Variants in CHD9 observed in about 807,000 individuals in gnomAD.
The protein encoded by CHD9 is ATP-dependent chromatin remodeler CHD9.
CHD9 carries 77 observed loss-of-function variants against 316.1 expected under a neutral mutation model. The observed-to-expected ratio is 0.24, with a 90% CI of 0.20 to 0.29. CHD9 has a LOEUF of 0.29. Among genes scored for constraint, CHD9 ranks in the 10% least tolerant of loss-of-function variants. The pLI is 1.00. For synonymous variants in CHD9, 1,129 were observed against 1,158.3 expected (o/e 0.97, Z 0.51); for missense variants, 2,763 against 3,438.1 (o/e 0.80, Z 4.91).
chr16:53,097,381 TTCCTTCC>T (rs56359033), intron 1 of CHD9, among the ~76,000 whole-genome samples: 64,670 of 150,300 alleles, frequency 0.43, 14,915 homozygotes, highest in African/African-American at 0.58. Context: ...CCTTCCTTCC[TTCCTTCC>T]TTCCTTCCTT....
chr16:53,109,691 T>TTTTTTTTTTTTC (rs2037691699), intron 1 of CHD9, among the ~76,000 whole-genome samples: 1 of 125,478 alleles, frequency 8.0e-6, no homozygotes, highest in African/African-American at 3.1e-5. Context: ...TTTTTTTTTT[T>TTTTTTTTTTTTC]TTTTTTTTTT....
At chr16:53,225,294 T>C (rs1401133150) in intron 4 of CHD9, among the ~76,000 whole-genome samples, 2 of 151,926 alleles carry the variant, frequency 1.3e-5, no homozygotes, top group East Asian at 1.9e-4. Flanking sequence ...TAGAAGAAAT[T>C]GGACTAGAAA....
chr16:53,201,802 T>C (rs1485956263), intron 2 of CHD9, among the ~76,000 whole-genome samples: 1 of 151,954 alleles, frequency 6.6e-6, no homozygotes, highest in Non-Finnish European at 1.5e-5. Flanking sequence ...AATACATTGA[T>C]TTATACATCT....
chr16:53,156,068 G>A lies in CHD9; in HGVS notation c.-22G>A, dbSNP rs769063914. 7.2e-5 allele frequency: 115 copies of A among 1,599,554 alleles called. No individual in the cohort carries two copies. Among genetic ancestry groups the A allele is most frequent in the Admixed American group, 6.8e-4 (40 of 58,962 alleles). Reference sequence around the variant, plus strand: ...ATACTCCATTTGGAGTGAACAGCCCGGATTGTTACAGAATTTTCAAGATGA... The same window carrying A: ...ATACTCCATTTGGAGTGAACAGCCCAGATTGTTACAGAATTTTCAAGATGA... On this transcript the variant is annotated 5_prime_UTR_variant, in exon 2 of 39. Transcript: ENST00000447540.
intron 2 of CHD9, among the ~76,000 whole-genome samples, chr16:53,196,458 C>A (rs1322713127): frequency 6.6e-6 from 1 of 152,084 alleles, no homozygotes; most frequent in African/African-American, 2.4e-5. Flanking sequence ...ACAGGTTCAG[C>A]CCACAATCAA....
chr16:53,078,834 G>C (rs1196425494), intron 1 of CHD9, among the ~76,000 whole-genome samples: 1 of 152,112 alleles, frequency 6.6e-6, no homozygotes, highest in Non-Finnish European at 1.5e-5. Flanking sequence ...ATTAATGCAA[G>C]ATAACATTGT....
intron 1 of CHD9, among the ~76,000 whole-genome samples, chr16:53,129,636 C>A (rs2039127989): frequency 6.6e-6 from 1 of 152,252 alleles, no homozygotes; most frequent in South Asian, 2.1e-4. Flanking sequence ...GGCTGAAATT[C>A]AAGAGATTTC....
chr16:53,298,663 TAAAC>T (rs908079739), intron 30 of CHD9: 6 of 152,144 alleles, frequency 3.9e-5, no homozygotes, highest in African/African-American at 1.5e-4. Context: ...CTAAAATAAA[TAAAC>T]AGAAAGCTAC....
intron 1 of CHD9, among the ~76,000 whole-genome samples, chr16:53,090,662 G>T (rs889387395): frequency 2.6e-5 from 4 of 152,132 alleles, no homozygotes; most frequent in Non-Finnish European, 5.9e-5. Context: ...GGGCCCCAGA[G>T]TCCTGCCGGG....
intron 2 of CHD9, among the ~76,000 whole-genome samples, chr16:53,182,847 C>A (rs2043645280): frequency 6.6e-6 from 1 of 152,074 alleles, no homozygotes. Context: ...ACTTACTTTT[C>A]ATTGAAATTA....
chr16:53,118,017 C>T (rs1212503439), intron 1 of CHD9, among the ~76,000 whole-genome samples: 1 of 151,666 alleles, frequency 6.6e-6, no homozygotes, highest in South Asian at 2.1e-4. Flanking sequence ...TTAGTAGAGA[C>T]GGGGTTTCAT....
At chr16:53,200,970 T>G (rs1436481144) in intron 2 of CHD9, among the ~76,000 whole-genome samples, 1 of 152,182 alleles carries the variant, frequency 6.6e-6, no homozygotes, top group Non-Finnish European at 1.5e-5. Flanking sequence ...TCTACAAGCA[T>G]TATCTATTAG....
intron 1 of CHD9, among the ~76,000 whole-genome samples, chr16:53,152,159 T>C (rs1479510598): frequency 6.6e-6 from 1 of 152,198 alleles, no homozygotes; most frequent in Non-Finnish European, 1.5e-5. Context: ...TTAGACACTT[T>C]TCAAACTATT....
At chr16:53,222,839 T>G (rs2047359978) in intron 4 of CHD9, 84 bp downstream of exon 4, 1 of 649,922 alleles carries the variant, frequency 1.5e-6, no homozygotes, top group Non-Finnish European at 2.7e-6. Flanking sequence ...TATTTACACT[T>G]TAGTTAGAAG....
At chr16:53,163,581 C>A (rs2042072251) in intron 2 of CHD9, among the ~76,000 whole-genome samples, 1 of 152,120 alleles carries the variant, frequency 6.6e-6, no homozygotes, top group Admixed American at 6.6e-5. Context: ...TGCTTTTTAA[C>A]CTTCCAATGA....
At chr16:53,247,010 C>A (rs565744174) in intron 15 of CHD9, among the ~76,000 whole-genome samples, 3 of 152,282 alleles carry the variant, frequency 2.0e-5, no homozygotes. Context: ...TAATAACATT[C>A]ATTAAACATT....
At chr16:53,199,836 G>A (rs763468814) in intron 2 of CHD9, among the ~76,000 whole-genome samples, 1 of 152,164 alleles carries the variant, frequency 6.6e-6, no homozygotes, top group East Asian at 1.9e-4. Flanking sequence ...CTTGAAATAC[G>A]GTGGGGTTAT....
intron 19 of CHD9, among the ~76,000 whole-genome samples, chr16:53,256,234 G>A (rs965103660): frequency 2.0e-5 from 3 of 151,944 alleles, no homozygotes; most frequent in Non-Finnish European, 2.9e-5. Context: ...GAGCCAAGGC[G>A]GGTGGATACG....
At chr16:53,319,761 C>G in intron 37 of CHD9, 1 of 1,079,292 alleles carries the variant, frequency 9.3e-7, no homozygotes, top group Non-Finnish European at 1.2e-6. Flanking sequence ...GAGGTTTGTT[C>G]ATGTTCCTTA....
Sources: allele counts gnomAD v4.1 joint callset (sites outside exome capture counted in the v4.1 genomes callset), GRCh38; gene constraint gnomAD v4.1.1; transcripts MANE v1.5; gene names NCBI Gene and HGNC (gene_info 2026-07-23, HGNC 2026-07-21).